Variants in CSMD1 observed in about 807,000 individuals in gnomAD.
CSMD1 encodes the protein CUB and Sushi multiple domains 1, also known as CUB and sushi domain-containing protein 1.
Under a neutral mutation model 417.5 loss-of-function variants are expected in CSMD1, and 213 were observed. The ratio of observed to expected loss-of-function variants is 0.51; its 90% CI spans 0.46 to 0.57. CSMD1 has a LOEUF of 0.57. Ranked by LOEUF, CSMD1 falls within the 20% of genes least tolerant of loss-of-function variation. The probability of loss-of-function intolerance (pLI) is 0.00; values close to 1 mark genes in which losing one functional copy is unlikely to be tolerated. For missense variants in CSMD1, 6,923 were observed against 4,529.7 expected (o/e 1.53, Z -15.17); for synonymous variants, 2,862 against 1,736.8 (o/e 1.65, Z -16.11).
At chr8:4,142,687 G>C (rs934795186) in intron 3 of CSMD1, among the ~76,000 whole-genome samples, 2 of 151,090 alleles carry the variant, frequency 1.3e-5, no homozygotes, top group Admixed American at 6.6e-5. Context: ...TGCAGTTATT[G>C]GGTGGCTGAG....
At chr8:4,154,473 A>C (rs1796726818) in intron 3 of CSMD1, among the ~76,000 whole-genome samples, 1 of 152,150 alleles carries the variant, frequency 6.6e-6, no homozygotes, top group African/African-American at 2.4e-5. Flanking sequence ...CTGTGGAAGG[A>C]GAATGGTTTA....
At chr8:3,529,590 C>T (rs184893342) in intron 10 of CSMD1, among the ~76,000 whole-genome samples, 4 of 152,258 alleles carry the variant, frequency 2.6e-5, no homozygotes, top group South Asian at 2.1e-4. Flanking sequence ...CACAGGAATG[C>T]GATGCACATC....
At chr8:3,810,840 G>A (rs1467802788) in intron 5 of CSMD1, among the ~76,000 whole-genome samples, 1 of 152,114 alleles carries the variant, frequency 6.6e-6, no homozygotes, top group South Asian at 2.1e-4. Context: ...CAAAGATGGG[G>A]CCATTGATCT....
intron 3 of CSMD1, among the ~76,000 whole-genome samples, chr8:4,059,907 A>G (rs1019249184): frequency 6.6e-6 from 1 of 151,846 alleles, no homozygotes; most frequent in African/African-American, 2.4e-5. Context: ...TATTCCAATC[A>G]ATAGAAAAAG....
At chr8:4,674,012 C>A (rs544315340) in intron 1 of CSMD1, among the ~76,000 whole-genome samples, 2 of 152,278 alleles carry the variant, frequency 1.3e-5, no homozygotes, top group East Asian at 3.9e-4. Flanking sequence ...AGAGGCAAAT[C>A]TTACGGTATG....
Position 3,316,818 on chromosome 8 carries a change from C to G in CSMD1, c.3632-8315G>C, listed in dbSNP as rs111788954. Among the ~76,000 whole-genome samples the G allele has an allele frequency of 5.7e-4, 86 of 152,184 alleles. 1 individual carries two copies. Among genetic ancestry groups the G allele is most frequent in the African/African-American group, 2.0e-3 (85 of 41,500 alleles). ...AGTGGGGGGAAGGCAACGGAGAAGA[C>G]TGCACAGGAAACTGACACAAGTATA... On this transcript the variant is annotated intron_variant, in intron 23 of 69. Transcript: ENST00000635120.
chr8:3,291,532 A>G (rs979729892), intron 25 of CSMD1, among the ~76,000 whole-genome samples: 1 of 152,046 alleles, frequency 6.6e-6, no homozygotes, highest in Non-Finnish European at 1.5e-5. Context: ...CAGAGATTCA[A>G]CTTCTTCCTG....
chr8:4,340,765 T>C (rs539463095), intron 3 of CSMD1, among the ~76,000 whole-genome samples: 1 of 152,222 alleles, frequency 6.6e-6, no homozygotes, highest in East Asian at 1.9e-4. Context: ...TGCAAAACTG[T>C]CAAGCAAACT....
intron 5 of CSMD1, among the ~76,000 whole-genome samples, chr8:3,831,673 C>G (rs1174008666): frequency 2.6e-5 from 4 of 152,036 alleles, no homozygotes; most frequent in Non-Finnish European, 5.9e-5. Flanking sequence ...AAAATCTTTA[C>G]CGGCAAAGGA....
intron 3 of CSMD1, among the ~76,000 whole-genome samples, chr8:4,117,994 T>A (rs4496982): frequency 6.7e-6 from 1 of 149,358 alleles, no homozygotes; most frequent in Non-Finnish European, 1.5e-5. Context: ...AGCAGGCACA[T>A]GAGAAATGAC....
intron 2 of CSMD1, among the ~76,000 whole-genome samples, chr8:4,562,854 C>G (rs17344440): frequency 0.045 from 6,802 of 152,132 alleles, 211 homozygotes; most frequent in Non-Finnish European, 0.06. Context: ...TCAAATGCCT[C>G]CAAAATACCC....
At chr8:4,445,929 G>A (rs1005806047) in intron 2 of CSMD1, among the ~76,000 whole-genome samples, 3 of 152,114 alleles carry the variant, frequency 2.0e-5, no homozygotes, top group Admixed American at 6.5e-5. Flanking sequence ...CCTTTCAGCT[G>A]GTCAGAGAAA....
At chr8:4,523,420 G>C (rs910730982) in intron 2 of CSMD1, among the ~76,000 whole-genome samples, 3 of 151,964 alleles carry the variant, frequency 2.0e-5, no homozygotes, top group African/African-American at 4.8e-5. Context: ...TTTGTATTAA[G>C]TACACTGGTT....
intron 1 of CSMD1, among the ~76,000 whole-genome samples, chr8:4,915,133 G>A (rs1476279225): frequency 4.6e-5 from 7 of 152,044 alleles, no homozygotes; most frequent in East Asian, 1.9e-4. Context: ...GTTGCCGAAC[G>A]AAGAAAATGG....
chr8:4,184,786 C>T (rs1380500848), intron 3 of CSMD1, among the ~76,000 whole-genome samples: 4 of 151,980 alleles, frequency 2.6e-5, no homozygotes, highest in African/African-American at 7.3e-5. Context: ...GTACCACAAC[C>T]TGTGACACAG....
At chr8:3,089,118 AG>A (rs1814745401) in intron 48 of CSMD1, among the ~76,000 whole-genome samples, 1 of 152,248 alleles carries the variant, frequency 6.6e-6, no homozygotes, top group South Asian at 2.1e-4. Flanking sequence ...AGACTGGAGC[AG>A]GGGCCCTGCC....
At chr8:4,207,365 T>C (rs574901099) in intron 3 of CSMD1, among the ~76,000 whole-genome samples, 28 of 152,264 alleles carry the variant, frequency 1.8e-4, no homozygotes, top group African/African-American at 6.0e-4. Context: ...AGCTTAATAG[T>C]TTAGATAAAT....
chr8:3,862,246 C>T (rs887291644), intron 5 of CSMD1, among the ~76,000 whole-genome samples: 19 of 152,204 alleles, frequency 1.2e-4, no homozygotes, highest in African/African-American at 4.3e-4. Flanking sequence ...TCATACACAG[C>T]TTCCACTTAG....
intron 1 of CSMD1, among the ~76,000 whole-genome samples, chr8:4,704,860 G>C (rs950887221): frequency 3.9e-5 from 6 of 152,144 alleles, no homozygotes; most frequent in Non-Finnish European, 8.8e-5. Flanking sequence ...AAACACCCTA[G>C]AGAAGGCTCC....
Sources: gnomAD v4.1 joint callset for allele counts (sites outside exome capture counted in the v4.1 genomes callset) on GRCh38, gnomAD v4.1.1 for gene constraint, MANE v1.5 for transcripts, NCBI Gene and HGNC (gene_info 2026-07-23, HGNC 2026-07-21) for gene names.